MOSMO: variants seen among roughly 807,000 people sequenced by gnomAD.
The protein encoded by MOSMO is modulator of smoothened, also known as modulator of smoothened protein.
In MOSMO, 5 loss-of-function variants were observed where a neutral mutation model predicts 18.4. The ratio of observed to expected loss-of-function variants is 0.27; its 90% CI spans 0.14 to 0.57. The LOEUF is 0.57. Among genes scored for constraint, MOSMO ranks in the 20% least tolerant of loss-of-function variants. The pLI is 0.92. For missense variants in MOSMO, 138 were observed against 211.8 expected, an observed-to-expected ratio of 0.65 and a Z score of 2.16; for synonymous variants, 82 against 82.3, an observed-to-expected ratio of 1.00 and a Z score of 0.02.
chr16:22,008,470 AC>A (rs1472048740), intron 1 of MOSMO, 63 bp downstream of exon 1: 9 of 1,200,424 alleles, frequency 7.5e-6, no homozygotes, highest in African/African-American at 1.6e-5. Flanking sequence ...GAGAGGGGAG[AC>A]CCGGACTGAG....
At chr16:22,013,886 G>T (rs1279647784) in intron 1 of MOSMO, among the ~76,000 whole-genome samples, 2 of 151,372 alleles carry the variant, frequency 1.3e-5, no homozygotes, top group Non-Finnish European at 1.5e-5. Flanking sequence ...TGTTTGGGGG[G>T]GGGGAATCTC....
chr16:22,073,545 G>GTT (rs746442808), intron 1 of MOSMO, among the ~76,000 whole-genome samples: 17 of 143,098 alleles, frequency 1.2e-4, no homozygotes, highest in Non-Finnish European at 1.7e-4. Flanking sequence ...ACTCCCTCAA[G>GTT]TTTTTTTTTT....
In MOSMO at chr16:22,008,361, C is replaced by T; in HGVS notation, c.60C>T (p.Ile20=). ...CLFLAADIFA[I]ASIANPDWIN... ...TTCTGGCCGCCGATATCTTCGCCATCGCCAGCATCGCCAACCCGGACTGGA... is the reference window on the plus strand; with the variant it reads ...TTCTGGCCGCCGATATCTTCGCCATTGCCAGCATCGCCAACCCGGACTGGA... The change falls in exon 1 of 3, where the codon ATC becomes ATT. Residue 20 remains isoleucine (I), a synonymous_variant. Transcript: ENST00000542527. 1 of 1,533,930 alleles carries T rather than the reference C, an allele frequency of 6.5e-7. No individual in the cohort carries two copies. The highest frequency in any genetic ancestry group is 8.7e-7 in the Non-Finnish European group (1 of 1,146,046).
downstream of MOSMO, among the ~76,000 whole-genome samples, chr16:22,090,582 TGGG>T (rs936662092): frequency 2.6e-5 from 4 of 152,270 alleles, no homozygotes; most frequent in East Asian, 1.9e-4. Context: ...TGGTTTGAAA[TGGG>T]GGAAAGAAAG....
At chr16:22,029,004 TG>T (rs1331040084) in intron 1 of MOSMO, among the ~76,000 whole-genome samples, 1 of 152,190 alleles carries the variant, frequency 6.6e-6, no homozygotes, top group Non-Finnish European at 1.5e-5. Flanking sequence ...CCTGAGTAGC[TG>T]GGATTATAGG....
chr16:22,011,712 A>G lies in MOSMO; in HGVS notation c.106+3305A>G, dbSNP rs141484979. ...GTTTTCCTTGCCATCTCAGGATACC[A>G]CTCCGTTAAATATTATGGCTAGAAA... On this transcript the variant is annotated intron_variant, in intron 1 of 2. Coordinates refer to ENST00000542527, the MANE Select transcript of MOSMO (RefSeq NM_001164579.2). 2.3e-4 allele frequency among the ~76,000 whole-genome samples: 35 copies of G among 152,108 alleles called. No homozygotes were observed. In the East Asian group the frequency reaches 6.8e-3, roughly 29 times the overall value.
chr16:22,062,955 C>T (rs1900678610), intron 1 of MOSMO, among the ~76,000 whole-genome samples: 1 of 152,146 alleles, frequency 6.6e-6, no homozygotes, highest in South Asian at 2.1e-4. Context: ...CAGGTTCAAG[C>T]GATTCTTCTG....
chr16:22,030,978 G>A (rs1899982392), intron 1 of MOSMO, among the ~76,000 whole-genome samples: 1 of 152,192 alleles, frequency 6.6e-6, no homozygotes, highest in Non-Finnish European at 1.5e-5. Context: ...CAGTTTTAGT[G>A]GGAGATACAA....
chr16:22,024,369 C>CTT (rs34009075), intron 1 of MOSMO, among the ~76,000 whole-genome samples: 250 of 145,002 alleles, frequency 1.7e-3, no homozygotes, highest in Non-Finnish European at 3.2e-3. Flanking sequence ...TCTTTGAAAA[C>CTT]TTTTTTTTTT....
At chr16:22,059,889 C>G (rs1225395100) in intron 1 of MOSMO, among the ~76,000 whole-genome samples, 1 of 152,080 alleles carries the variant, frequency 6.6e-6, no homozygotes, top group Non-Finnish European at 1.5e-5. Flanking sequence ...AAGAAATTGA[C>G]AAATTGGCCA....
In MOSMO at chr16:22,081,700, A is replaced by G. The variant is rs1901087561; in HGVS notation, c.*820A>G. On this transcript the variant is annotated 3_prime_UTR_variant, in exon 3 of 3. Coordinates refer to ENST00000542527, the MANE Select transcript of MOSMO (RefSeq NM_001164579.2). ...AACAGTTCCTGGAAGAGAATTCTGA[A>G]TGCTTTGCTAGCAAAACACTGTGGT... 1 of 151,738 alleles carries G rather than the reference A, an allele frequency of 6.6e-6. No individual in the cohort carries two copies. The allele number at this position is 151,738 out of a possible 1,614,324, so 9.4% of individuals were successfully genotyped here.
downstream of MOSMO, among the ~76,000 whole-genome samples, chr16:22,086,374 C>G (rs1426055971): frequency 3.9e-5 from 6 of 152,312 alleles, no homozygotes; most frequent in African/African-American, 1.2e-4. Context: ...TGACAACCAG[C>G]CTGTTCTCCA....
intron 1 of MOSMO, among the ~76,000 whole-genome samples, chr16:22,045,698 T>A (rs926118116): frequency 6.6e-6 from 1 of 152,222 alleles, no homozygotes; most frequent in Non-Finnish European, 1.5e-5. Flanking sequence ...ATGGATCATT[T>A]ATGGATCCAT....
chr16:22,061,444 A>C (rs1900643393), intron 1 of MOSMO, among the ~76,000 whole-genome samples: 1 of 152,164 alleles, frequency 6.6e-6, no homozygotes, highest in Non-Finnish European at 1.5e-5. Context: ...TCAGATTCTT[A>C]ATCCCACACG....
intron 1 of MOSMO, among the ~76,000 whole-genome samples, chr16:22,036,930 T>A (rs1900120289): frequency 6.6e-6 from 1 of 152,180 alleles, no homozygotes; most frequent in East Asian, 1.9e-4. Context: ...CAGGTGAAAC[T>A]CATAAGTCAG....
chr16:22,045,047 T>C (rs1485007620), intron 1 of MOSMO, among the ~76,000 whole-genome samples: 1 of 151,366 alleles, frequency 6.6e-6, no homozygotes, highest in Non-Finnish European at 1.5e-5. Flanking sequence ...TAGCCAGGTA[T>C]GGTGGTACAT....
intron 2 of MOSMO, 175 bp downstream of exon 2, chr16:22,075,874 C>A (rs1047143712): frequency 1.3e-5 from 7 of 553,764 alleles, no homozygotes; most frequent in Non-Finnish European, 2.3e-5. Flanking sequence ...ACTCTTTCTG[C>A]AAGACCAGGA....
chr16:22,050,971 T>C (rs1900413734), intron 1 of MOSMO, among the ~76,000 whole-genome samples: 1 of 152,042 alleles, frequency 6.6e-6, no homozygotes, highest in Admixed American at 6.6e-5. Context: ...CATTTTTTAG[T>C]GCAGTCCAGT....
chr16:22,010,059 G>A (rs367974673), intron 1 of MOSMO, among the ~76,000 whole-genome samples: 1 of 152,078 alleles, frequency 6.6e-6, no homozygotes, highest in East Asian at 1.9e-4. Context: ...TTATGGTTCT[G>A]TATTTATCCT....
Sources: allele counts gnomAD v4.1 joint callset (sites outside exome capture counted in the v4.1 genomes callset), GRCh38; gene constraint gnomAD v4.1.1; transcripts MANE v1.5; gene names NCBI Gene and HGNC (gene_info 2026-07-23, HGNC 2026-07-21).